The following NRK variants were observed in gnomAD, a reference collection of about 807,000 sequenced individuals.
NRK encodes Nik related kinase, also known as nik-related protein kinase.
NRK carries 67 observed loss-of-function variants against 125.2 expected under a neutral mutation model. That is an observed-to-expected ratio of 0.54 (90% CI 0.44 to 0.66). The LOEUF (loss-of-function observed/expected upper bound fraction) is 0.66, where lower values mean the gene tolerates loss of function less well. NRK is among the 30% of genes least tolerant of loss of function. NRK has a pLI of 0.00. For missense variants in NRK, 1,224 were observed against 1,192.9 expected, an observed-to-expected ratio of 1.03 and a Z score of -0.38; for synonymous variants, 458 against 429.0, an observed-to-expected ratio of 1.07 and a Z score of -0.84.
intron 2 of NRK, among the ~76,000 whole-genome samples, chrX:105,851,567 C>T (rs2039471818): frequency 1.8e-5 from 2 of 112,131 alleles, no homozygotes; most frequent in Non-Finnish European, 3.8e-5. Flanking sequence ...CTAATTAATA[C>T]TTTAGCACAG....
rs745435851 is a variant in NRK, at chrX:105,884,799, TTTTG to T, written c.252+3040_252+3043del. On this transcript the variant is annotated intron_variant, in intron 4 of 28. Transcript: ENST00000243300. ...ACCGGAAGTCTTTAATTCAAAAGTT[TTTTG>T]TTTGTTTGTTTGTTTGTTTTTGAGA... 3.4e-3 allele frequency among the ~76,000 whole-genome samples: 378 copies of T among 112,088 alleles called. 1 individual carries two copies. The highest frequency in any genetic ancestry group is 0.012 in the African/African-American group (361 of 30,870).
intron 21 of NRK, 30 bp downstream of exon 21, chrX:105,935,355 T>C (rs760910775): frequency 2.2e-5 from 22 of 1,010,818 alleles, no homozygotes; most frequent in Non-Finnish European, 2.8e-5. Flanking sequence ...TTAAAGAATA[T>C]ATTTTTATGT....
chrX:105,855,893 T>C (rs1330420817), intron 2 of NRK, among the ~76,000 whole-genome samples: 2 of 111,613 alleles, frequency 1.8e-5, no homozygotes, highest in Middle Eastern at 4.3e-3. Context: ...ACAATAGTTA[T>C]AGTTTTCCTG....
intron 2 of NRK, among the ~76,000 whole-genome samples, chrX:105,854,437 C>G (rs765016530): frequency 1.8e-5 from 2 of 111,950 alleles, no homozygotes; most frequent in East Asian, 5.6e-4. Flanking sequence ...TTGATATATT[C>G]CTATTAAGAA....
intron 2 of NRK, among the ~76,000 whole-genome samples, chrX:105,842,096 A>C (rs2039337463): frequency 8.9e-6 from 1 of 111,750 alleles, no homozygotes; most frequent in Non-Finnish European, 1.9e-5. Context: ...ACATTCAATT[A>C]GATTAGCCAA....
intron 22 of NRK, among the ~76,000 whole-genome samples, chrX:105,938,290 C>T (rs1327282221): frequency 9.0e-6 from 1 of 111,462 alleles, no homozygotes; most frequent in Non-Finnish European, 1.9e-5. Context: ...TAATCACAGA[C>T]ACTTATATGA....
At chrX:105,863,148 GA>G (rs1288386477) in intron 2 of NRK, among the ~76,000 whole-genome samples, 1 of 112,037 alleles carries the variant, frequency 8.9e-6, no homozygotes, top group African/African-American at 3.2e-5. Context: ...TGAAACGCAA[GA>G]AGTAAAGCCA....
At chrX:105,901,318 G>A (rs2040154465) in intron 9 of NRK, among the ~76,000 whole-genome samples, 1 of 111,306 alleles carries the variant, frequency 9.0e-6, no homozygotes, top group South Asian at 3.8e-4. Context: ...AAGTAAAAAT[G>A]GAATGTAAAC....
At chrX:105,881,899 C>T in intron 4 of NRK, 120 bp downstream of exon 4, 1 of 430,106 alleles carries the variant, frequency 2.3e-6, no homozygotes, top group Admixed American at 3.9e-5. Flanking sequence ...GTGTTCTTGC[C>T]TGAAAGTGAT....
intron 13 of NRK, among the ~76,000 whole-genome samples, chrX:105,912,376 A>G (rs2040313103): frequency 2.7e-5 from 3 of 110,725 alleles, no homozygotes; most frequent in Admixed American, 9.7e-5. Flanking sequence ...TCCACCAGAA[A>G]ATATATGTAA....
chrX:105,859,304 C>T (rs1190038206), intron 2 of NRK, among the ~76,000 whole-genome samples: 1 of 111,184 alleles, frequency 9.0e-6, no homozygotes, highest in Non-Finnish European at 1.9e-5. Flanking sequence ...CACAAACAGA[C>T]CTATATAGAA....
intron 12 of NRK, among the ~76,000 whole-genome samples, chrX:105,908,512 T>C (rs2040248454): frequency 8.9e-6 from 1 of 112,474 alleles, no homozygotes; most frequent in African/African-American, 3.2e-5. Flanking sequence ...GAAGATCAAG[T>C]AGATATCATA....
chrX:105,927,282 T>G (rs1013880796), intron 19 of NRK, among the ~76,000 whole-genome samples: 1 of 111,564 alleles, frequency 9.0e-6, no homozygotes, highest in Non-Finnish European at 1.9e-5. Flanking sequence ...CTCAGCTAGG[T>G]TATTGTTGGT....
chrX:105,862,917 C>A lies in NRK; in HGVS notation c.124-17282C>A, dbSNP rs868086724. Among the ~76,000 whole-genome samples the A allele has an allele frequency of 1.1e-4, 12 of 112,121 alleles. 1 individual carries two copies. The Middle Eastern group carries it at 0.013, about 118-fold the overall frequency. On this transcript the variant is annotated intron_variant, in intron 2 of 28. Coordinates refer to ENST00000243300, the MANE Select transcript of NRK (RefSeq NM_198465.4). ...TTAACAATTCTTAAATATTCCATAT[C>A]ATGAGTGGCTGGTTTGAGAATTAAG...
At chrX:105,910,047 T>C (rs1278387760) in intron 13 of NRK, among the ~76,000 whole-genome samples, 165 bp downstream of exon 13, 2 of 112,154 alleles carry the variant, frequency 1.8e-5, no homozygotes, top group African/African-American at 6.5e-5. Context: ...ATGAAATTTC[T>C]AGATAATTGT....
intron 2 of NRK, among the ~76,000 whole-genome samples, chrX:105,870,151 G>A (rs1229834050): frequency 9.0e-6 from 1 of 111,452 alleles, no homozygotes; most frequent in African/African-American, 3.3e-5. Context: ...TTTTATTTTT[G>A]TAGTGTATTG....
chrX:105,863,271 C>T (rs1400571175), intron 2 of NRK, among the ~76,000 whole-genome samples: 1 of 109,195 alleles, frequency 9.2e-6, no homozygotes, highest in Non-Finnish European at 1.9e-5. Flanking sequence ...TGTTTTAACA[C>T]CCTTTATTTA....
intron 2 of NRK, among the ~76,000 whole-genome samples, chrX:105,849,242 A>C (rs1284944968): frequency 8.9e-6 from 1 of 111,915 alleles, no homozygotes; most frequent in African/African-American, 3.3e-5. Flanking sequence ...GGATAAACCC[A>C]TCAGCTCTCA....
At position 105,955,673 on chromosome X, in the gene NRK, T is replaced by A; in HGVS notation, c.*73T>A. On this transcript the variant is annotated 3_prime_UTR_variant, in exon 29 of 29. Coordinates refer to ENST00000243300, the MANE Select transcript of NRK (RefSeq NM_198465.4). ...GTCTGCATCTTCAGATTTCAGAGAT[T>A]AAATGAGTATTCAGTTTTATTTTTA... 1.9e-6 allele frequency: 1 copy of A among 524,018 alleles called. No homozygotes were observed. Among genetic ancestry groups the A allele is most frequent in the Non-Finnish European group, 3.3e-6 (1 of 301,688 alleles). 43.2% of individuals were successfully genotyped at this position (524,018 alleles called of 1,213,427 possible).
Sources: gnomAD v4.1 joint callset for allele counts (sites outside exome capture counted in the v4.1 genomes callset) on GRCh38, gnomAD v4.1.1 for gene constraint, MANE v1.5 for transcripts, NCBI Gene and HGNC (gene_info 2026-07-23, HGNC 2026-07-21) for gene names.